Variants in SYNE1 observed in about 807,000 individuals in gnomAD.
SYNE1 encodes the protein nesprin-1.
SYNE1 carries 616 observed loss-of-function variants against 1,111.0 expected under a neutral mutation model. The observed-to-expected ratio is 0.55, with a 90% CI of 0.52 to 0.59. The LOEUF (loss-of-function observed/expected upper bound fraction) is 0.59, where lower values mean the gene tolerates loss of function less well. Among genes scored for constraint, SYNE1 ranks in the 20% least tolerant of loss-of-function variants. The pLI is 0.00. For missense variants in SYNE1, 10,006 were observed against 10,417.0 expected (o/e 0.96, Z 1.72); for synonymous variants, 3,855 against 3,825.8 (o/e 1.01, Z -0.28).
intron 73 of SYNE1, among the ~76,000 whole-genome samples, chr6:152,346,301 G>T (rs2096629698): frequency 6.6e-6 from 1 of 151,896 alleles, no homozygotes; most frequent in South Asian, 2.1e-4. Flanking sequence ...GGAGTAGCGG[G>T]GATTACAGGT....
chr6:152,592,146 C>T (rs148811053), intron 3 of SYNE1, among the ~76,000 whole-genome samples: 61 of 152,142 alleles, frequency 4.0e-4, no homozygotes, highest in East Asian at 1.4e-3. Context: ...ATCTACCATT[C>T]GACCCAGAAA....
In SYNE1 at chr6:152,262,532, G is replaced by A. The variant is rs998117879; in HGVS notation, c.18816-344C>T. 2.0e-5 allele frequency among the ~76,000 whole-genome samples: 3 copies of A among 152,204 alleles called. No homozygotes were observed. The East Asian group carries it at 5.8e-4, about 29-fold the overall frequency. Reference sequence around the variant, plus strand: ...CCTTAAAAATGTGTTAGTCTAGGGAGAGTTACGATTATGAGTCCAGAGAAA... The same window carrying A: ...CCTTAAAAATGTGTTAGTCTAGGGAAAGTTACGATTATGAGTCCAGAGAAA... On this transcript the variant is annotated intron_variant, in intron 100 of 145. Coordinates refer to ENST00000367255, the MANE Select transcript of SYNE1 (RefSeq NM_182961.4).
At chr6:152,453,017 T>A (rs1454880896) in intron 25 of SYNE1, among the ~76,000 whole-genome samples, 1 of 152,210 alleles carries the variant, frequency 6.6e-6, no homozygotes, top group Non-Finnish European at 1.5e-5. Context: ...AAAGCTTTCA[T>A]AAATATATGC....
intron 18 of SYNE1, chr6:152,464,773 T>C (rs1379307712): frequency 4.6e-6 from 1 of 217,096 alleles, no homozygotes; most frequent in Admixed American, 5.3e-5. Flanking sequence ...CACTTATAAC[T>C]GGCCAAAAAA....
chr6:152,152,088 C>T lies in SYNE1; in HGVS notation c.24183G>A (p.Lys8061=), dbSNP rs2152919904. ...TCTCCCTGGCCAGGCGGCGGTACTG[C>T]TTGTTGATCAGTTCCAGCTGCGTCA... ...ECLTQLELIN[K]QYRRLARENR... Residue 8061 remains lysine (K), a synonymous_variant, in exon 134 of 146, where the codon AAG becomes AAA. Coordinates refer to ENST00000367255, the MANE Select transcript of SYNE1 (RefSeq NM_182961.4). The T allele has an allele frequency of 1.2e-6, 2 of 1,614,150 alleles. No homozygotes were observed. Among genetic ancestry groups the T allele is most frequent in the Non-Finnish European group, 1.7e-6 (2 of 1,180,028 alleles).
intron 51 of SYNE1, among the ~76,000 whole-genome samples, chr6:152,394,265 T>A (rs1035860847): frequency 2.6e-5 from 4 of 152,236 alleles, no homozygotes; most frequent in Non-Finnish European, 5.9e-5. Context: ...TTTGCTATTG[T>A]GAACAGTGCT....
intron 45 of SYNE1, chr6:152,404,718 A>C: frequency 4.9e-6 from 1 of 204,172 alleles, no homozygotes; most frequent in Non-Finnish European, 1.0e-5. Flanking sequence ...AGTACACATC[A>C]GGAGTGCCTA....
chr6:152,528,709 G>T (rs970598484), intron 4 of SYNE1, among the ~76,000 whole-genome samples: 1 of 152,156 alleles, frequency 6.6e-6, no homozygotes, highest in Admixed American at 6.5e-5. Context: ...GCCAGTATAT[G>T]TTAGATATGT....
chr6:152,579,907 T>C (rs898513212), intron 3 of SYNE1, among the ~76,000 whole-genome samples: 1 of 152,232 alleles, frequency 6.6e-6, no homozygotes, highest in Non-Finnish European at 1.5e-5. Flanking sequence ...CACATTTTCT[T>C]TGCCCAGTCC....
chr6:152,216,747 A>G (rs2078774424), intron 121 of SYNE1, among the ~76,000 whole-genome samples: 1 of 152,228 alleles, frequency 6.6e-6, no homozygotes, highest in African/African-American at 2.4e-5. Flanking sequence ...TGCTTACTTG[A>G]TTGAATATTT....
At chr6:152,471,550 A>T (rs2098805593) in intron 16 of SYNE1, 47 bp downstream of exon 16, 1 of 1,582,980 alleles carries the variant, frequency 6.3e-7, no homozygotes, top group South Asian at 1.1e-5. Flanking sequence ...CTGTGTTGCT[A>T]AATCCATGGC....
At chr6:152,202,631 A>G (rs879421904) in intron 126 of SYNE1, among the ~76,000 whole-genome samples, 1 of 152,170 alleles carries the variant, frequency 6.6e-6, no homozygotes, top group African/African-American at 2.4e-5. Flanking sequence ...CAATGACCAG[A>G]ATATTATGGG....
chr6:152,176,431 C>A lies in SYNE1; in HGVS notation c.23590G>T (p.Asp7864Tyr). ...AGGTCCAGGAGATGCTGCCACCGGT[C>A]GTTGACCTTTCCCAGCTTGTATTCA... ...EIEYKLGKVN[D>Y]RWQHLLDLIA... The change falls in exon 130 of 146, where the codon GAC becomes TAC. Residue 7864 changes from aspartate to tyrosine, a missense_variant. Around this residue, in one of 7 missense-constraint regions of SYNE1, gnomAD observed 2,182 missense variants for 2,287.8 expected, o/e 0.95. Coordinates refer to ENST00000367255, the MANE Select transcript of SYNE1 (RefSeq NM_182961.4). The A allele has an allele frequency of 6.2e-7, 1 of 1,614,148 alleles. No homozygotes were observed. Among genetic ancestry groups the A allele is most frequent in the Non-Finnish European group, 8.5e-7 (1 of 1,180,014 alleles).
chr6:152,539,628 CA>C (rs1368970569), intron 4 of SYNE1, among the ~76,000 whole-genome samples: 1 of 152,074 alleles, frequency 6.6e-6, no homozygotes, highest in African/African-American at 2.4e-5. Context: ...CAAATAGGAA[CA>C]AACACACACA....
At chr6:152,186,282 C>T (rs1458211678) in intron 128 of SYNE1, among the ~76,000 whole-genome samples, 2 of 151,960 alleles carry the variant, frequency 1.3e-5, no homozygotes, top group African/African-American at 4.8e-5. Context: ...GAAGACCGGG[C>T]ACGGTGGCTT....
intron 3 of SYNE1, among the ~76,000 whole-genome samples, chr6:152,551,870 G>A (rs974734682): frequency 2.6e-5 from 4 of 152,194 alleles, no homozygotes; most frequent in South Asian, 2.1e-4. Flanking sequence ...AGGACTTCAA[G>A]CTGAGGCTGG....
At chr6:152,192,943 T>G (rs766447697) in intron 127 of SYNE1, among the ~76,000 whole-genome samples, 1 of 152,156 alleles carries the variant, frequency 6.6e-6, no homozygotes, top group Non-Finnish European at 1.5e-5. Context: ...TTATTTTCAG[T>G]GTATGTGTGT....
Position 152,391,563 on chromosome 6 carries a change from G to C in SYNE1, c.7718C>G (p.Ser2573Cys). 1 of 1,222,442 alleles carries C rather than the reference G, an allele frequency of 8.2e-7. No individual in the cohort carries two copies. The highest frequency in any genetic ancestry group is 3.6e-5 in the East Asian group (1 of 27,776). 75.7% of individuals were successfully genotyped at this position (1,222,442 alleles called of 1,614,324 possible). Residue 2573 changes from serine to cysteine, a missense_variant, in exon 52 of 146, where the codon TCT (serine) becomes TGT (cysteine). This residue lies in a region of SYNE1 where 4,955 missense variants were observed against 5,017.2 expected (regional missense o/e 0.99). Transcript: ENST00000367255. ...CCCTCTCTGGGAAAGCTTATCAAGAGACTCTCTGAAAAAAAGGAAAAAAAA... is the reference window on the plus strand; with the variant it reads ...CCCTCTCTGGGAAAGCTTATCAAGACACTCTCTGAAAAAAAGGAAAAAAAA... ...FLGELLAARE[S>C]LDKLSQRGQL...
chr6:152,295,369 A>G (rs954506545), intron 93 of SYNE1, among the ~76,000 whole-genome samples: 3 of 151,858 alleles, frequency 2.0e-5, no homozygotes, highest in Non-Finnish European at 1.5e-5. Flanking sequence ...TCTTGAGTGG[A>G]TTACTCTTCA....
Sources: gnomAD v4.1 joint callset for allele counts (sites outside exome capture counted in the v4.1 genomes callset) on GRCh38, gnomAD v4.1.1 for gene constraint, gnomAD v4.1.1 regional missense constraint, MANE v1.5 for transcripts, NCBI Gene and HGNC (gene_info 2026-07-23, HGNC 2026-07-21) for gene names.